EPB41L4B: variants seen among roughly 807,000 people sequenced by gnomAD.
The protein encoded by EPB41L4B is band 4.1-like protein 4B.
A neutral mutation model predicts 112.5 loss-of-function variants in EPB41L4B; 30 were observed. The ratio of observed to expected loss-of-function variants is 0.27; its 90% CI spans 0.20 to 0.36. The LOEUF (loss-of-function observed/expected upper bound fraction) is 0.36, where lower values mean the gene tolerates loss of function less well. Ranked by LOEUF, EPB41L4B falls within the 10% of genes least tolerant of loss-of-function variation. EPB41L4B has a pLI of 1.00. For missense variants in EPB41L4B, 1,024 were observed against 1,133.3 expected, an observed-to-expected ratio of 0.90 and a Z score of 1.38; for synonymous variants, 408 against 439.7, an observed-to-expected ratio of 0.93 and a Z score of 0.90.
chr9:109,245,124 G>A (rs937965245), intron 14 of EPB41L4B, among the ~76,000 whole-genome samples: 3 of 152,212 alleles, frequency 2.0e-5, no homozygotes, highest in Non-Finnish European at 2.9e-5. Context: ...TCTCCCTGCT[G>A]CAATCTCTGC....
chr9:109,186,855 C>T (rs1381335624), intron 22 of EPB41L4B, among the ~76,000 whole-genome samples: 1 of 152,174 alleles, frequency 6.6e-6, no homozygotes, highest in Non-Finnish European at 1.5e-5. Context: ...CTGACCCTGA[C>T]CCATGACGAG....
chr9:109,234,398 A>T (rs1384007799), intron 15 of EPB41L4B, among the ~76,000 whole-genome samples: 1 of 152,206 alleles, frequency 6.6e-6, no homozygotes, highest in Non-Finnish European at 1.5e-5. Context: ...GTCCATCAAT[A>T]TTGATTGGTT....
In EPB41L4B at chr9:109,200,160, G is replaced by A. The variant is rs1022447105; in HGVS notation, c.2045+76C>T. On this transcript the variant is annotated intron_variant, in intron 20 of 25. Transcript: ENST00000374566. Reference sequence around the variant, plus strand: ...GCTGCTCCCTGGGACTAGTCAGAAGGGCTAAGAAGCATTTGTATCTAAACA... The same window carrying A: ...GCTGCTCCCTGGGACTAGTCAGAAGAGCTAAGAAGCATTTGTATCTAAACA... The A allele has an allele frequency of 3.2e-6, 4 of 1,268,518 alleles. No individual in the cohort carries two copies. In the Admixed American group the frequency reaches 5.3e-5, roughly 17 times the overall value. 78.6% of individuals were successfully genotyped at this position (1,268,518 alleles called of 1,614,324 possible). A position where few individuals can be genotyped will look rare whatever the true frequency, so the allele number is the denominator to read the frequency against.
chr9:109,282,776 T>C (rs554082597), intron 1 of EPB41L4B, among the ~76,000 whole-genome samples: 6 of 152,214 alleles, frequency 3.9e-5, no homozygotes, highest in African/African-American at 1.4e-4. Context: ...CTGCAACCTC[T>C]GCCTCCTGGA....
At chr9:109,194,457 A>C (rs1414600848) in intron 20 of EPB41L4B, 60 bp from the exon 21 acceptor site, 1 of 1,545,384 alleles carries the variant, frequency 6.5e-7, no homozygotes, top group African/African-American at 1.4e-5. Flanking sequence ...GGCTGTGAGG[A>C]GTGGACGGAG....
intron 17 of EPB41L4B, among the ~76,000 whole-genome samples, chr9:109,211,110 C>G (rs1833150346): frequency 6.6e-6 from 1 of 152,092 alleles, no homozygotes; most frequent in Admixed American, 6.5e-5. Flanking sequence ...TGACATCTCA[C>G]CATTCAATCA....
At chr9:109,206,290 TCTC>T (rs752116045) in intron 18 of EPB41L4B, among the ~76,000 whole-genome samples, 1 of 152,116 alleles carries the variant, frequency 6.6e-6, no homozygotes, top group Non-Finnish European at 1.5e-5. Flanking sequence ...TTCAAACAAT[TCTC>T]CTGCCTCAGC....
chr9:109,198,974 A>G (rs768564035), intron 20 of EPB41L4B, among the ~76,000 whole-genome samples: 25 of 151,548 alleles, frequency 1.6e-4, no homozygotes, highest in Non-Finnish European at 3.2e-4. Flanking sequence ...TACTACAACT[A>G]TTACTAGTAC....
intron 17 of EPB41L4B, among the ~76,000 whole-genome samples, chr9:109,212,005 C>G (rs1402120891): frequency 1.3e-5 from 2 of 151,990 alleles, no homozygotes; most frequent in Non-Finnish European, 2.9e-5. Context: ...CAGGCATGAA[C>G]CACCATGCCA....
intron 17 of EPB41L4B, among the ~76,000 whole-genome samples, chr9:109,211,543 C>T (rs1419013806): frequency 3.4e-5 from 5 of 146,368 alleles, no homozygotes; most frequent in Non-Finnish European, 7.5e-5. Context: ...TGCAGTGAGC[C>T]GAGATCATGC....
At chr9:109,292,942 A>G (rs1013119402) in intron 1 of EPB41L4B, among the ~76,000 whole-genome samples, 1 of 152,232 alleles carries the variant, frequency 6.6e-6, no homozygotes, top group African/African-American at 2.4e-5. Flanking sequence ...GTGCCAGTCA[A>G]CCATCCCAGG....
chr9:109,260,379 T>G (rs1415250660), intron 6 of EPB41L4B, among the ~76,000 whole-genome samples: 1 of 151,904 alleles, frequency 6.6e-6, no homozygotes, highest in East Asian at 1.9e-4. Context: ...CAAGTCTTTT[T>G]ATTTCTATCT....
chr9:109,184,778 AGCT>A (rs1198921743), intron 23 of EPB41L4B, among the ~76,000 whole-genome samples: 4 of 152,244 alleles, frequency 2.6e-5, no homozygotes, highest in Admixed American at 2.6e-4. Flanking sequence ...TGATGCAAAA[AGCT>A]ATATGTGTTC....
At chr9:109,241,234 G>C in intron 15 of EPB41L4B, 2 of 987,466 alleles carry the variant, frequency 2.0e-6, no homozygotes, top group Non-Finnish European at 2.4e-6. Flanking sequence ...GTCAATGAAG[G>C]GGAAATGACT....
At chr9:109,319,788 G>A (rs1237177976) in intron 1 of EPB41L4B, among the ~76,000 whole-genome samples, 3 of 152,148 alleles carry the variant, frequency 2.0e-5, no homozygotes, top group East Asian at 3.9e-4. Context: ...GGAAGCTAGG[G>A]ACGGAAGGGG....
At chr9:109,306,908 A>G (rs1837223288) in intron 1 of EPB41L4B, among the ~76,000 whole-genome samples, 1 of 152,210 alleles carries the variant, frequency 6.6e-6, no homozygotes, top group Non-Finnish European at 1.5e-5. Flanking sequence ...TAATGCAGTT[A>G]ACATCCACAC....
intron 12 of EPB41L4B, 36 bp from the exon 13 acceptor site, chr9:109,251,547 A>C: frequency 6.2e-7 from 1 of 1,604,156 alleles, no homozygotes; most frequent in Non-Finnish European, 8.5e-7. Flanking sequence ...GACATCTTAG[A>C]GAACTTTATC....
chr9:109,251,895 G>A (rs1019037074), intron 12 of EPB41L4B, among the ~76,000 whole-genome samples: 6 of 152,246 alleles, frequency 3.9e-5, no homozygotes, highest in African/African-American at 1.2e-4. Context: ...GAGGGGCCTC[G>A]GGGACGCCGT....
At chr9:109,194,836 T>A (rs1346167220) in intron 20 of EPB41L4B, among the ~76,000 whole-genome samples, 1 of 152,176 alleles carries the variant, frequency 6.6e-6, no homozygotes, top group Non-Finnish European at 1.5e-5. Context: ...TTCCACTTTC[T>A]GTCCCAATGA....
Sources: gnomAD v4.1 joint callset for allele counts (sites outside exome capture counted in the v4.1 genomes callset) on GRCh38, gnomAD v4.1.1 for gene constraint, MANE v1.5 for transcripts, NCBI Gene and HGNC (gene_info 2026-07-23, HGNC 2026-07-21) for gene names.